MAPK10: variants seen among roughly 807,000 people sequenced by gnomAD.
The protein encoded by MAPK10 is JNK3 alpha protein kinase.
MAPK10 carries 25 observed loss-of-function variants against 59.3 expected under a neutral mutation model. That is an observed-to-expected ratio of 0.42 (90% CI 0.31 to 0.59). The LOEUF (loss-of-function observed/expected upper bound fraction) is 0.59. MAPK10 is among the 20% of genes least tolerant of loss of function. The pLI, the probability that MAPK10 is intolerant of heterozygous loss-of-function variation, is 0.15. For missense variants in MAPK10, 351 were observed against 568.9 expected, an observed-to-expected ratio of 0.62 and a Z score of 3.90; for synonymous variants, 190 against 200.5, an observed-to-expected ratio of 0.95 and a Z score of 0.44.
chr4:86,275,421 A>G (rs560631071), intron 2 of MAPK10, among the ~76,000 whole-genome samples: 1 of 152,158 alleles, frequency 6.6e-6, no homozygotes, highest in South Asian at 2.1e-4. Context: ...ATGACCCCAA[A>G]TACTTAATTC....
intron 1 of MAPK10, among the ~76,000 whole-genome samples, chr4:86,368,824 G>A (rs1156604065): frequency 6.6e-6 from 1 of 152,018 alleles, no homozygotes; most frequent in Non-Finnish European, 1.5e-5. Context: ...TGATAACGGG[G>A]GGAGGGAAAG....
chr4:86,498,091 G>A lies in MAPK10; in HGVS notation c.-263+95819C>T, dbSNP rs539086028. The stretch of plus-strand genomic sequence containing the variant: ...TCTGCCTGAAGACAATGTGCTTTCT[G>A]TTTTGGCTGCTGTCATGAGATAAAA... On this transcript the variant is annotated intron_variant, in intron 1 of 4. Transcript: ENST00000502302. Among the ~76,000 whole-genome samples, 9 of 152,332 alleles carry A rather than the reference G, an allele frequency of 5.9e-5. No individual in the cohort carries two copies. The South Asian group carries it at 1.9e-3, about 32-fold the overall frequency.
intron 4 of MAPK10, among the ~76,000 whole-genome samples, chr4:86,138,108 A>G: frequency 2.1e-5 from 2 of 94,774 alleles, no homozygotes; most frequent in Admixed American, 2.4e-4. Context: ...CCAGAGGTAC[A>G]AGGAGGAACT....
upstream of MAPK10, among the ~76,000 whole-genome samples, chr4:86,458,194 G>A (rs904036519): frequency 2.6e-5 from 4 of 152,110 alleles, no homozygotes. Flanking sequence ...CAGCTACTTA[G>A]GAAGCTGAGG....
At chr4:86,215,073 A>T (rs1254359207) in intron 2 of MAPK10, among the ~76,000 whole-genome samples, 2 of 152,234 alleles carry the variant, frequency 1.3e-5, no homozygotes, top group Non-Finnish European at 2.9e-5. Context: ...TGTATAGATC[A>T]ATGAAATAGA....
intron 2 of MAPK10, among the ~76,000 whole-genome samples, chr4:86,254,594 A>G (rs2093615501): frequency 7.3e-6 from 1 of 137,432 alleles, no homozygotes; most frequent in Non-Finnish European, 1.5e-5. Context: ...TTTACTTCCA[A>G]CTATGTGGTC....
chr4:86,039,530 C>T (rs970271616), intron 11 of MAPK10, among the ~76,000 whole-genome samples: 1 of 152,170 alleles, frequency 6.6e-6, no homozygotes, highest in Admixed American at 6.5e-5. Flanking sequence ...GGGCTTATAG[C>T]CTTAGACTCA....
chr4:86,303,244 A>G (rs757287132), intron 2 of MAPK10, among the ~76,000 whole-genome samples: 1 of 152,170 alleles, frequency 6.6e-6, no homozygotes, highest in Non-Finnish European at 1.5e-5. Flanking sequence ...ATTTTTCCAT[A>G]AAGTCTACAA....
At chr4:86,362,187 C>T (rs944051157), upstream of MAPK10, among the ~76,000 whole-genome samples, 13 of 151,966 alleles carry the variant, frequency 8.6e-5, no homozygotes, top group African/African-American at 3.1e-4. Context: ...TAAAATAAAA[C>T]AATTTTTTAA....
At chr4:86,336,946 G>A (rs914931493) in intron 2 of MAPK10, among the ~76,000 whole-genome samples, 9 of 151,652 alleles carry the variant, frequency 5.9e-5, no homozygotes, top group Middle Eastern at 3.4e-3. Context: ...GCCCGCCACC[G>A]CGCCTGCTAA....
chr4:86,308,188 T>G (rs1189667736), intron 2 of MAPK10, among the ~76,000 whole-genome samples: 1 of 152,016 alleles, frequency 6.6e-6, no homozygotes, highest in Non-Finnish European at 1.5e-5. Context: ...AGAATAGAGG[T>G]TAAGTGAGCA....
upstream of MAPK10, among the ~76,000 whole-genome samples, chr4:86,362,373 G>T (rs1737149451): frequency 7.3e-5 from 11 of 151,008 alleles, no homozygotes; most frequent in Admixed American, 7.2e-4. Flanking sequence ...TTCTGACCTT[G>T]CAGTAGGCAA....
At chr4:86,255,215 C>G (rs2093655045) in intron 2 of MAPK10, among the ~76,000 whole-genome samples, 1 of 152,012 alleles carries the variant, frequency 6.6e-6, no homozygotes, top group South Asian at 2.1e-4. Flanking sequence ...GCTACTCATC[C>G]AGTTTATCAA....
At chr4:86,352,610 G>A (rs1234114772) in intron 2 of MAPK10, among the ~76,000 whole-genome samples, 1 of 152,168 alleles carries the variant, frequency 6.6e-6, no homozygotes. Context: ...TGGTGGGGAA[G>A]GAAAAGTATG....
chr4:86,312,013 T>C (rs1422516832), intron 2 of MAPK10, among the ~76,000 whole-genome samples: 1 of 152,108 alleles, frequency 6.6e-6, no homozygotes, highest in Non-Finnish European at 1.5e-5. Flanking sequence ...TATCTGACCA[T>C]GATTTCTTCT....
chr4:86,496,926 T>C (rs1017374899), intron 1 of MAPK10, among the ~76,000 whole-genome samples: 6 of 152,208 alleles, frequency 3.9e-5, no homozygotes, highest in Non-Finnish European at 8.8e-5. Context: ...AGCTAAAATG[T>C]CGGCACTAAC....
At chr4:86,562,391 A>G (rs890657555) in intron 1 of MAPK10, among the ~76,000 whole-genome samples, 6 of 152,148 alleles carry the variant, frequency 3.9e-5, no homozygotes, top group Admixed American at 6.5e-5. Flanking sequence ...CTACTCATCA[A>G]TTTTACATGC....
chr4:86,167,233 C>T (rs987726841), intron 3 of MAPK10, among the ~76,000 whole-genome samples: 2 of 152,030 alleles, frequency 1.3e-5, no homozygotes, highest in African/African-American at 4.8e-5. Flanking sequence ...AAATAGCCTA[C>T]CAACCAAAAA....
chr4:86,211,672 G>C (rs910452283), intron 2 of MAPK10, among the ~76,000 whole-genome samples: 1 of 151,988 alleles, frequency 6.6e-6, no homozygotes, highest in South Asian at 2.1e-4. Flanking sequence ...ATAAAAGTTA[G>C]TATTATTGCA....
Sources: gnomAD v4.1 joint callset for allele counts (sites outside exome capture counted in the v4.1 genomes callset) on GRCh38, gnomAD v4.1.1 for gene constraint, MANE v1.5 for transcripts, NCBI Gene and HGNC (gene_info 2026-07-23, HGNC 2026-07-21) for gene names.